SPTBN4: variants seen among roughly 807,000 people sequenced by gnomAD.
SPTBN4 encodes the protein spectrin beta, non-erythrocytic 4, also known as spectrin beta chain, non-erythrocytic 4.
A neutral mutation model predicts 277.8 loss-of-function variants in SPTBN4; 96 were observed. The observed-to-expected ratio is 0.35, with a 90% CI of 0.29 to 0.41. SPTBN4 has a LOEUF of 0.41. SPTBN4 is among the 10% of genes least tolerant of loss of function. SPTBN4 has a pLI of 1.00. For missense variants in SPTBN4, 3,006 were observed against 3,595.7 expected (o/e 0.84, Z 4.19); for synonymous variants, 1,481 against 1,580.3 (o/e 0.94, Z 1.49).
At chr19:40,558,176 G>A (rs1367614402) in intron 26 of SPTBN4, among the ~76,000 whole-genome samples, 1 of 151,790 alleles carries the variant, frequency 6.6e-6, no homozygotes, top group Non-Finnish European at 1.5e-5. Context: ...TGACCAACAT[G>A]ATGAAACCCC....
intron 2 of SPTBN4, among the ~76,000 whole-genome samples, chr19:40,478,576 C>T (rs533584891): frequency 2.6e-5 from 4 of 152,026 alleles, no homozygotes; most frequent in South Asian, 2.1e-4. Context: ...GACAGAGTCT[C>T]GCTCTGTCAC....
At chr19:40,482,759 C>T (rs75707753) in intron 2 of SPTBN4, among the ~76,000 whole-genome samples, 12 of 151,476 alleles carry the variant, frequency 7.9e-5, no homozygotes, top group Admixed American at 7.9e-4. Flanking sequence ...GTTGGGAGTT[C>T]GAGACCAACC....
At chr19:40,518,833 C>T (rs2080489459) in intron 15 of SPTBN4, among the ~76,000 whole-genome samples, 1 of 152,098 alleles carries the variant, frequency 6.6e-6, no homozygotes, top group Admixed American at 6.6e-5. Context: ...GAATTGGAGG[C>T]TTCAGTGTGC....
At chr19:40,547,641 C>T (rs2080873000) in intron 20 of SPTBN4, among the ~76,000 whole-genome samples, 1 of 152,184 alleles carries the variant, frequency 6.6e-6, no homozygotes, top group Non-Finnish European at 1.5e-5. Flanking sequence ...TTTACATTCC[C>T]ACCAACAGTG....
intron 32 of SPTBN4, 91 bp downstream of exon 32, chr19:40,569,817 CA>C (rs2081132480): frequency 7.9e-7 from 1 of 1,268,154 alleles, no homozygotes; most frequent in Non-Finnish European, 1.1e-6. Flanking sequence ...CTAGCCCTGG[CA>C]GGACCCATTC....
chr19:40,571,991 T>G (rs1278003300), intron 33 of SPTBN4, 28 bp from the exon 34 acceptor site: 1 of 1,519,580 alleles, frequency 6.6e-7, no homozygotes, highest in Non-Finnish European at 8.8e-7. Flanking sequence ...GCTGCGGCTC[T>G]GCCTTGAGCC....
In SPTBN4 at chr19:40,519,712, C is replaced by T; in HGVS notation, c.3215C>T (p.Ala1072Val). 2 of 1,389,846 alleles carry T rather than the reference C, an allele frequency of 1.4e-6. No homozygotes were observed. The highest frequency in any genetic ancestry group is 1.6e-5 in the South Asian group (1 of 61,110). The allele number at this position is 1,389,846 out of a possible 1,614,324, so 86.1% of individuals were successfully genotyped here. Reference protein sequence around the residue: ...GAEELGAEWGALASAAQACGE... With the variant: ...GAEELGAEWGVLASAAQACGE... Reference sequence around the variant, plus strand: ...GAGGAGCTGGGCGCCGAGTGGGGCGCGCTAGCTAGCGCGGCTCAGGCCTGC... The same window carrying T: ...GAGGAGCTGGGCGCCGAGTGGGGCGTGCTAGCTAGCGCGGCTCAGGCCTGC... Residue 1072 changes from alanine to valine, a missense_variant, in exon 16 of 36, where the codon GCG (alanine) becomes GTG (valine). Ala to Val is a moderately conservative substitution (Grantham distance 64, BLOSUM62 0). Transcript: ENST00000598249. The surrounding 1 kb of genome is among the most constrained non-coding windows in gnomAD (Gnocchi z 5.7).
At position 40,560,159 on chromosome 19, in the gene SPTBN4, G is replaced by A. The variant is rs1438768293; in HGVS notation, c.5671G>A (p.Val1891Ile). The change falls in exon 27 of 36, where the codon GTA becomes ATA. Residue 1891 changes from valine to isoleucine, a missense_variant and splice_region_variant. Transcript: ENST00000598249. This position sits in a 1 kb window ranked among gnomAD's most constrained non-coding sequence, Gnocchi z 5.2. ...EHDLQLLVSQ[V>I]RQLQEGAAQL... ...GCGCCCGACCTGGCATGCCCTTCAG[G>A]TACGGCAGCTGCAGGAGGGGGCGGC... 6.3e-7 allele frequency: 1 copy of A among 1,593,626 alleles called. No homozygotes were observed.
Position 40,519,735 on chromosome 19 carries a change from T to C in SPTBN4, c.3238T>C (p.Cys1080Arg), listed in dbSNP as rs915818145. 1 of 1,406,328 alleles carries C rather than the reference T, an allele frequency of 7.1e-7. No individual in the cohort carries two copies. Among genetic ancestry groups the C allele is most frequent in the Non-Finnish European group, 9.2e-7 (1 of 1,092,476 alleles). 87.1% of individuals were successfully genotyped at this position (1,406,328 alleles called of 1,614,324 possible). A position where few individuals can be genotyped will look rare whatever the true frequency, so the allele number is the denominator to read the frequency against. Reference protein sequence around the residue: ...WGALASAAQACGEAVAAAGRL... With the variant: ...WGALASAAQARGEAVAAAGRL... ...CGCGCTAGCTAGCGCGGCTCAGGCC[T>C]GCGGCGAGGCGGTGGCGGCAGCAGG... Residue 1080 changes from cysteine (C) to arginine (R), a missense_variant, in exon 16 of 36, where the codon TGC becomes CGC. By Grantham distance (180) the Cys-to-Arg change is radical. This residue lies in a region of SPTBN4 where 1,759 missense variants were observed against 2,061.5 expected (regional missense o/e 0.85). Transcript: ENST00000598249. The surrounding 1 kb of genome is among the most constrained non-coding windows in gnomAD (Gnocchi z 5.7).
In SPTBN4 at chr19:40,572,003, C is replaced by T. The variant is rs1345965363; in HGVS notation, c.7320-16C>T. 1 of 1,529,960 alleles carries T rather than the reference C, an allele frequency of 6.5e-7. No homozygotes were observed. The highest frequency in any genetic ancestry group is 8.8e-7 in the Non-Finnish European group (1 of 1,138,324). 94.8% of individuals were successfully genotyped at this position (1,529,960 alleles called of 1,614,324 possible). ...AGTGCTGCGGCTCTGCCTTGAGCCC[C>T]ATCTTGTCGCTCCAGGTCGTGGGTG... On this transcript the variant is annotated splice_polypyrimidine_tract_variant and intron_variant, in intron 33 of 35. Transcript: ENST00000598249.
At chr19:40,482,754 G>C (rs1021970235) in intron 2 of SPTBN4, among the ~76,000 whole-genome samples, 3 of 152,118 alleles carry the variant, frequency 2.0e-5, no homozygotes, top group African/African-American at 7.2e-5. Context: ...CTGAGGTTGG[G>C]AGTTCGAGAC....
Position 40,570,701 on chromosome 19 carries a change from T to G in SPTBN4, c.7292T>G (p.Leu2431Arg), listed in dbSNP as rs1435699874. The G allele has an allele frequency of 6.2e-7, 1 of 1,608,332 alleles. No individual in the cohort carries two copies. The highest frequency in any genetic ancestry group is 8.5e-7 in the Non-Finnish European group (1 of 1,178,148). Residue 2431 changes from leucine to arginine, a missense_variant, in exon 33 of 36, where the codon CTC becomes CGC. Coordinates refer to ENST00000598249, the MANE Select transcript of SPTBN4 (RefSeq NM_020971.3). ...GGCTTCCTACTGCGCAAGCGCGAGC[T>G]CGACGCTAACCGCAAGTCGTCCAAC... is the stretch of plus-strand genomic sequence containing the variant. ...HEGFLLRKRE[L>R]DANRKSSNRS...
rs1007622795 is a variant in SPTBN4, at chr19:40,565,783, A to G, written c.6139+38A>G. 2.1e-5 allele frequency: 32 copies of G among 1,544,400 alleles called. No individual in the cohort carries two copies. In the Admixed American group the frequency reaches 6.3e-4, roughly 30 times the overall value. Reference sequence around the variant, plus strand: ...CCAGGCACACGTGGTTCAAGGGCACAGGGACATGCTCCAGCCTGTCCAGCC... The same window carrying G: ...CCAGGCACACGTGGTTCAAGGGCACGGGGACATGCTCCAGCCTGTCCAGCC... On this transcript the variant is annotated intron_variant, in intron 29 of 35. Coordinates refer to ENST00000598249, the MANE Select transcript of SPTBN4 (RefSeq NM_020971.3).
chr19:40,479,400 C>G (rs979420956), intron 2 of SPTBN4, among the ~76,000 whole-genome samples: 7 of 152,114 alleles, frequency 4.6e-5, no homozygotes, highest in African/African-American at 1.7e-4. Context: ...TGTGACGCCT[C>G]TCTCCAATTC....
chr19:40,532,567 T>C lies in SPTBN4; in HGVS notation c.3949-58T>C, dbSNP rs924634190. 7 of 1,571,310 alleles carry C rather than the reference T, an allele frequency of 4.5e-6. No individual in the cohort carries two copies. The Admixed American group carries it at 8.7e-5, about 20-fold the overall frequency. On this transcript the variant is annotated intron_variant, in intron 18 of 35. Transcript: ENST00000598249. ...CTGAACCTGGGACTTCCTGAAGGGA[T>C]GGGGGGCTGTGGCAGGTTGAGGGGA...
chr19:40,564,606 G>A (rs879618618), intron 27 of SPTBN4, among the ~76,000 whole-genome samples: 1 of 152,168 alleles, frequency 6.6e-6, no homozygotes, highest in African/African-American at 2.4e-5. Context: ...GGGAGGCTGA[G>A]GCAGGTGGAT....
intron 2 of SPTBN4, among the ~76,000 whole-genome samples, chr19:40,473,940 G>C (rs1024320213): frequency 6.6e-6 from 1 of 151,166 alleles, no homozygotes; most frequent in African/African-American, 2.4e-5. Context: ...GCAGGAGTTC[G>C]AGACCATGTT....
At chr19:40,525,744 G>A (rs1049801224) in intron 17 of SPTBN4, among the ~76,000 whole-genome samples, 3 of 152,186 alleles carry the variant, frequency 2.0e-5, no homozygotes, top group Admixed American at 6.5e-5. Context: ...GAGCTCGAAC[G>A]TTATCTGACA....
chr19:40,541,312 C>T (rs1226764182), intron 20 of SPTBN4, among the ~76,000 whole-genome samples: 1 of 152,148 alleles, frequency 6.6e-6, no homozygotes, highest in Non-Finnish European at 1.5e-5. Flanking sequence ...GGGAGTGGCC[C>T]TGGGGTCACA....
Sources: gnomAD v4.1 joint callset for allele counts (sites outside exome capture counted in the v4.1 genomes callset) on GRCh38, gnomAD v4.1.1 for gene constraint, gnomAD v4.1.1 regional missense constraint, Gnocchi (gnomAD v3.1) non-coding constraint, MANE v1.5 for transcripts, NCBI Gene and HGNC (gene_info 2026-07-23, HGNC 2026-07-21) for gene names.